Variants in TENM3 observed in about 807,000 individuals in gnomAD.
TENM3 encodes the protein teneurin transmembrane protein 3.
A neutral mutation model predicts 255.1 loss-of-function variants in TENM3; 63 were observed. The ratio of observed to expected loss-of-function variants is 0.25; its 90% confidence interval spans 0.20 to 0.30. The LOEUF (loss-of-function observed/expected upper bound fraction) is 0.30, where lower values mean the gene tolerates loss of function less well. Among genes scored for constraint, TENM3 ranks in the 10% least tolerant of loss-of-function variants. The probability of loss-of-function intolerance (pLI) is 1.00; values close to 1 mark genes in which losing one functional copy is unlikely to be tolerated. For missense variants in TENM3, 2,929 were observed against 3,461.1 expected, an observed-to-expected ratio of 0.85 and a Z score of 3.86; for synonymous variants, 1,306 against 1,322.3, an observed-to-expected ratio of 0.99 and a Z score of 0.27.
At chr4:182,254,876 C>G (rs1183322127) in intron 1 of TENM3, among the ~76,000 whole-genome samples, 1 of 152,062 alleles carries the variant, frequency 6.6e-6, no homozygotes, top group African/African-American at 2.4e-5. Flanking sequence ...TAGGCTGTTA[C>G]AGTCAGCAAA....
At chr4:182,306,256 C>T (rs927797740) in intron 1 of TENM3, among the ~76,000 whole-genome samples, 1 of 151,684 alleles carries the variant, frequency 6.6e-6, no homozygotes, top group African/African-American at 2.4e-5. Context: ...TACAGTGGCA[C>T]CCTCATAGCC....
At chr4:181,909,804 G>A in the TENM3 span, among the ~76,000 whole-genome samples, 7 of 152,052 alleles carry the variant, frequency 4.6e-5, no homozygotes, top group Non-Finnish European at 8.8e-5. Context: ...ATTAACCTAC[G>A]CAATACTAAA....
the TENM3 span, among the ~76,000 whole-genome samples, chr4:181,822,836 G>A: frequency 0.013 from 1,948 of 152,118 alleles, 50 homozygotes; most frequent in African/African-American, 0.045. Context: ...TTAATTTTGG[G>A]CAAATAAAAG....
intron 4 of TENM3, among the ~76,000 whole-genome samples, chr4:182,617,088 T>G (rs17258548): frequency 0.21 from 31,250 of 152,190 alleles, 3,733 homozygotes; most frequent in Non-Finnish European, 0.27. Context: ...AAGATTATGA[T>G]AAAAACAGAT....
the TENM3 span, among the ~76,000 whole-genome samples, chr4:181,616,194 C>T: frequency 6.8e-6 from 1 of 147,954 alleles, no homozygotes; most frequent in Non-Finnish European, 1.5e-5. Flanking sequence ...CATACACAGG[C>T]TGAAAAGGGA....
chr4:182,658,383 T>C (rs1753936183), intron 6 of TENM3, among the ~76,000 whole-genome samples: 1 of 152,220 alleles, frequency 6.6e-6, no homozygotes. Flanking sequence ...CTCTGGATTC[T>C]GTCACCCACT....
chr4:182,554,929 G>A (rs1742433425), intron 3 of TENM3, among the ~76,000 whole-genome samples: 2 of 150,474 alleles, frequency 1.3e-5, no homozygotes, highest in South Asian at 2.1e-4. Flanking sequence ...CCAGAGTAGT[G>A]AGCAGCTTGA....
At chr4:181,691,684 A>G in the TENM3 span, among the ~76,000 whole-genome samples, 1 of 152,170 alleles carries the variant, frequency 6.6e-6, no homozygotes, top group Non-Finnish European at 1.5e-5. Flanking sequence ...CCATTATACA[A>G]TGTGATCAAC....
the TENM3 span, among the ~76,000 whole-genome samples, chr4:181,750,093 G>A: frequency 2.0e-5 from 3 of 152,304 alleles, no homozygotes; most frequent in South Asian, 2.1e-4. Flanking sequence ...AAGCAGAGAA[G>A]AAAGGACACG....
the TENM3 span, among the ~76,000 whole-genome samples, chr4:181,546,264 G>A: frequency 6.6e-6 from 1 of 152,014 alleles, no homozygotes; most frequent in African/African-American, 2.4e-5. Context: ...CCTTCTTCAT[G>A]GCCATTGATT....
chr4:182,080,791 C>T, the TENM3 span, among the ~76,000 whole-genome samples: 7 of 152,106 alleles, frequency 4.6e-5, no homozygotes, highest in Non-Finnish European at 8.8e-5. Context: ...CAGGGGTTCA[C>T]GACAAGCCTA....
chr4:182,383,192 A>G (rs1014763863), intron 3 of TENM3, among the ~76,000 whole-genome samples: 3 of 152,060 alleles, frequency 2.0e-5, no homozygotes, highest in African/African-American at 7.2e-5. Context: ...TTCTTGCTAA[A>G]CTCACTTAAC....
intron 2 of TENM3, among the ~76,000 whole-genome samples, chr4:182,335,389 GGAGGCT>G (rs1764053930): frequency 7.0e-6 from 1 of 143,818 alleles, no homozygotes; most frequent in African/African-American, 2.5e-5. Flanking sequence ...CAGCTGCTCG[GGAGGCT>G]GAGGCAGGAG....
At chr4:181,761,458 T>G in the TENM3 span, among the ~76,000 whole-genome samples, 20 of 152,032 alleles carry the variant, frequency 1.3e-4, no homozygotes, top group Admixed American at 1.3e-3. Flanking sequence ...CATGGAGAAA[T>G]GACTCATATT....
intron 3 of TENM3, among the ~76,000 whole-genome samples, chr4:182,435,460 G>A (rs1010460283): frequency 1.3e-5 from 2 of 152,246 alleles, no homozygotes; most frequent in African/African-American, 4.8e-5. Flanking sequence ...GAAAAAAGAC[G>A]GGGGATCCTA....
intron 3 of TENM3, among the ~76,000 whole-genome samples, chr4:182,516,968 A>G (rs1298912612): frequency 1.3e-5 from 2 of 152,126 alleles, no homozygotes; most frequent in African/African-American, 2.4e-5. Flanking sequence ...TCTGGGGTAC[A>G]TCCTCTTTGG....
chr4:181,719,043 A>G, the TENM3 span, among the ~76,000 whole-genome samples: 1 of 151,312 alleles, frequency 6.6e-6, no homozygotes, highest in African/African-American at 2.4e-5. Flanking sequence ...CGTCTCTACT[A>G]AAAATACAAA....
chr4:182,522,305 A>G (rs7655004), intron 3 of TENM3, among the ~76,000 whole-genome samples: 151,299 of 152,308 alleles, frequency 0.99, 75,152 homozygotes, highest in South Asian at 1. Flanking sequence ...CTGTATTTTC[A>G]TGTCCATCAA....
chr4:182,080,782 A>G, the TENM3 span, among the ~76,000 whole-genome samples: 1 of 152,168 alleles, frequency 6.6e-6, no homozygotes, highest in African/African-American at 2.4e-5. Flanking sequence ...ACCTGAGCCC[A>G]GGGGTTCACG....
Sources: gnomAD v4.1 joint callset for allele counts (sites outside exome capture counted in the v4.1 genomes callset) on GRCh38, gnomAD v4.1.1 for gene constraint, MANE v1.5 for transcripts, NCBI Gene and HGNC (gene_info 2026-07-23, HGNC 2026-07-21) for gene names.